Variants in R3HCC1 observed in about 807,000 individuals in gnomAD.
R3HCC1 encodes R3H domain and coiled-coil containing 1.
In R3HCC1, 32 loss-of-function variants were observed where a neutral mutation model predicts 40.0. That is an observed-to-expected ratio of 0.80 (90% confidence interval 0.60 to 1.07). The LOEUF (loss-of-function observed/expected upper bound fraction) is 1.07, where lower values mean the gene tolerates loss of function less well. R3HCC1 is among the 50% of genes least tolerant of loss of function. The probability of loss-of-function intolerance (pLI) is 0.00; values close to 1 mark genes in which losing one functional copy is unlikely to be tolerated. For synonymous variants in R3HCC1, 237 were observed against 232.8 expected (o/e 1.02, Z -0.17); for missense variants, 586 against 563.3 (o/e 1.04, Z -0.41).
intron 1 of R3HCC1, 114 bp from the exon 2 acceptor site, chr8:23,288,392 C>T: frequency 7.1e-7 from 1 of 1,408,728 alleles, no homozygotes; most frequent in Non-Finnish European, 9.5e-7. Flanking sequence ...ACTTCCCCGC[C>T]ACCGAGCCTT....
intron 4 of R3HCC1, chr8:23,291,010 C>A: frequency 4.6e-6 from 1 of 217,536 alleles, no homozygotes. Context: ...CTTGGACTTG[C>A]CCAGCTCTGC....
intron 1 of R3HCC1, 77 bp from the exon 2 acceptor site, chr8:23,288,429 C>T (rs1371581142): frequency 5.3e-6 from 8 of 1,513,140 alleles, no homozygotes; most frequent in East Asian, 2.5e-5. Context: ...AAGGCCCTTT[C>T]GGTGCCGGCG....
chr8:23,294,794 C>T lies in R3HCC1; in HGVS notation c.1122C>T (p.Phe374=). 6.4e-7 allele frequency: 1 copy of T among 1,551,400 alleles called. No individual in the cohort carries two copies. Among genetic ancestry groups the T allele is most frequent in the Non-Finnish European group, 8.7e-7 (1 of 1,146,934 alleles). ...CTGCGGAAGCCCTGACCCGGGAGTT[C>T]TCGGTGCTCAAGATCCGGCCCCTCA... The change falls in exon 7 of 8, where the codon TTC becomes TTT. Residue 374 remains phenylalanine, a synonymous_variant. Coordinates refer to ENST00000265806, the MANE Select transcript of R3HCC1 (RefSeq NM_001136108.3).
At chr8:23,291,294 C>T (rs944007910) in intron 4 of R3HCC1, 67 bp from the exon 5 acceptor site, 41 of 1,507,650 alleles carry the variant, frequency 2.7e-5, no homozygotes, top group Admixed American at 4.1e-5. Flanking sequence ...GCTCTCAGCG[C>T]GTGGGCTAGT....
In R3HCC1 at chr8:23,290,315, G is replaced by A. The variant is rs1369311998; in HGVS notation, c.698G>A (p.Arg233Gln). 5.2e-6 allele frequency: 8 copies of A among 1,551,806 alleles called. No individual in the cohort carries two copies. In the East Asian group the frequency reaches 7.3e-5, roughly 14 times the overall value. Residue 233 changes from arginine (R) to glutamine (Q), a missense_variant, in exon 4 of 8, where the codon CGG (arginine) becomes CAG (glutamine). Transcript: ENST00000265806. ...GGAGACATGGTGGAGATGGCCACAC[G>A]GTTTGGGTCCACCCTGCAGCTAGAC...
rs1320320429 is a variant in R3HCC1, at chr8:23,288,246, C to T, written c.-19+89C>T. 9 of 1,174,416 alleles carry T rather than the reference C, an allele frequency of 7.7e-6. No individual in the cohort carries two copies. The Admixed American group carries it at 1.7e-4, about 22-fold the overall frequency. 72.7% of individuals were successfully genotyped at this position (1,174,416 alleles called of 1,614,324 possible). A position where few individuals can be genotyped will look rare whatever the true frequency, so the allele number is the denominator to read the frequency against. On this transcript the variant is annotated intron_variant, in intron 1 of 7. Coordinates refer to ENST00000265806, the MANE Select transcript of R3HCC1 (RefSeq NM_001136108.3). ...AGCTGGGCTGCGCGGAGCAGGCCCCCGTGAGCCCCGGGAAGGAGCGCAGCG... is the reference window on the plus strand; with the variant it reads ...AGCTGGGCTGCGCGGAGCAGGCCCCTGTGAGCCCCGGGAAGGAGCGCAGCG...
chr8:23,289,874 G>T lies in R3HCC1; in HGVS notation c.257G>T (p.Ser86Ile). The T allele has an allele frequency of 6.6e-7, 1 of 1,515,852 alleles. No individual in the cohort carries two copies. Among genetic ancestry groups the T allele is most frequent in the Non-Finnish European group, 8.8e-7 (1 of 1,135,340 alleles). 93.9% of individuals were successfully genotyped at this position (1,515,852 alleles called of 1,614,324 possible). A position where few individuals can be genotyped will look rare whatever the true frequency, so the allele number is the denominator to read the frequency against. The change falls in exon 4 of 8, where the codon AGT (serine) becomes ATT (isoleucine). Residue 86 changes from serine to isoleucine, a missense_variant. Ser to Ile is a moderately radical substitution (Grantham distance 142). Coordinates refer to ENST00000265806, the MANE Select transcript of R3HCC1 (RefSeq NM_001136108.3). ...TCCCATTCCTGCTCCAGGGTACCCAGTTCGGATGGCCTCTCTGGCCCCTGC... is the reference window on the plus strand; with the variant it reads ...TCCCATTCCTGCTCCAGGGTACCCATTTCGGATGGCCTCTCTGGCCCCTGC...
rs772200165 is a variant in R3HCC1 at position 23,288,607 on chromosome 8, C to A, written c.84C>A (p.Arg28=). The A allele has an allele frequency of 6.2e-5, 95 of 1,535,968 alleles. No individual in the cohort carries two copies. Among genetic ancestry groups the A allele is most frequent in the Admixed American group, 1.4e-4 (7 of 50,982 alleles). ...ACCGGATCCAGGAGGAACTGGACCG[C>A]TTTCTGCTGCAGAAGCAGCTGTCAA... The change falls in exon 2 of 8, where the codon CGC becomes CGA. Residue 28 remains arginine, a synonymous_variant. Transcript: ENST00000265806.
Position 23,290,165 on chromosome 8 carries a change from G to C in R3HCC1, c.548G>C (p.Gly183Ala). 6.4e-7 allele frequency: 1 copy of C among 1,551,654 alleles called. No individual in the cohort carries two copies. Among genetic ancestry groups the C allele is most frequent in the Middle Eastern group, 1.7e-4 (1 of 5,992 alleles). ...GCTGGAGACCCCAACTCTGATCAGG[G>C]ACTCCCTGTGCTGATGACTCAGGGA... The change falls in exon 4 of 8, where the codon GGA becomes GCA. Residue 183 changes from glycine to alanine, a missense_variant. By Grantham distance (60) the Gly-to-Ala change is moderately conservative. Transcript: ENST00000265806.
At position 23,290,063 on chromosome 8, in the gene R3HCC1, G is replaced by T; in HGVS notation, c.446G>T (p.Trp149Leu). ...CGGGTGCTGCGCAGGCAGGAAGAAT[G>T]GGGGCTGACCTCTACCTCGGTGCTC... is the stretch of plus-strand genomic sequence containing the variant. The change falls in exon 4 of 8, where the codon TGG (tryptophan) becomes TTG (leucine). Residue 149 changes from tryptophan (W) to leucine (L), a missense_variant. Transcript: ENST00000265806. The T allele has an allele frequency of 6.5e-7, 1 of 1,548,098 alleles. No homozygotes were observed.
At chr8:23,293,235 T>A in intron 5 of R3HCC1, 68 bp from the exon 6 acceptor site, 1 of 1,331,950 alleles carries the variant, frequency 7.5e-7, no homozygotes, top group Non-Finnish European at 1.1e-6. Flanking sequence ...GGGGTGTGGC[T>A]GCGGGATTCG....
At chr8:23,292,434 C>T (rs781236433) in intron 5 of R3HCC1, among the ~76,000 whole-genome samples, 46 of 152,168 alleles carry the variant, frequency 3.0e-4, no homozygotes, top group Admixed American at 7.2e-4. Context: ...GAAACCCTGC[C>T]TGTCTCTACT....
chr8:23,293,300 CAG>C lies in R3HCC1; in HGVS notation c.1029_1030del. ...ATGTGCTGTCTCCTCTCTCGCCGCA[CAG>C]AGAGAAGGGGTTCAGGATTCAGTGG... On this transcript the variant is annotated splice_acceptor_variant, in intron 5 of 7. Transcript: ENST00000265806. LOFTEE classifies it high-confidence loss of function. 1 of 1,550,654 alleles carries C rather than the reference CAG, an allele frequency of 6.4e-7. No homozygotes were observed. The highest frequency in any genetic ancestry group is 8.7e-7 in the Non-Finnish European group (1 of 1,146,244).
intron 7 of R3HCC1, 39 bp downstream of exon 7, chr8:23,294,903 G>A (rs1471976126): frequency 5.7e-6 from 8 of 1,401,532 alleles, no homozygotes; most frequent in South Asian, 1.2e-5. Flanking sequence ...GAGGCTGTGT[G>A]TGTGTGTGTG....
chr8:23,295,774 C>G (rs545895606), intron 7 of R3HCC1, 193 bp from the exon 8 acceptor site: 360 of 767,600 alleles, frequency 4.7e-4, no homozygotes, highest in Non-Finnish European at 5.5e-4. Context: ...GGTCAGCATC[C>G]CCTGGGGGGC....
In R3HCC1 at chr8:23,294,827, A is replaced by C. The variant is rs569908591; in HGVS notation, c.1155A>C (p.Gly385=). 1.3e-6 allele frequency: 2 copies of C among 1,551,446 alleles called. No individual in the cohort carries two copies. The highest frequency in any genetic ancestry group is 3.9e-5 in the Admixed American group (2 of 51,004). Reference sequence around the variant, plus strand: ...TCAAGATCCGGCCCCTCACACAGGGAACCAAGCAGTCAAAGCTCAAAGCCT... The same window carrying C: ...TCAAGATCCGGCCCCTCACACAGGGCACCAAGCAGTCAAAGCTCAAAGCCT... Residue 385 remains glycine (G), a synonymous_variant, in exon 7 of 8, where the codon GGA becomes GGC. Transcript: ENST00000265806.
rs1167461069 is a variant in R3HCC1 at position 23,290,223 on chromosome 8, T to A, written c.606T>A (p.Cys202Ter). ...ACCTAAAGGGCCCAGGACAAAGGTG[T>A]GAGAATGAGCCACTGCTGGACCCTG... The change falls in exon 4 of 8, where the codon TGT becomes TGA. Residue 202 changes from cysteine (C) to a stop codon, truncating the protein, a stop_gained. Coordinates refer to ENST00000265806, the MANE Select transcript of R3HCC1 (RefSeq NM_001136108.3). LOFTEE classifies it high-confidence loss of function. 6.4e-7 allele frequency: 1 copy of A among 1,551,524 alleles called. No homozygotes were observed. Among genetic ancestry groups the A allele is most frequent in the East Asian group, 2.4e-5 (1 of 40,894 alleles).
rs548361346 is a variant in R3HCC1, at chr8:23,292,483, A to G, written c.1026-820A>G. 2.3e-3 allele frequency among the ~76,000 whole-genome samples: 343 copies of G among 152,228 alleles called. 1 individual carries two copies. Among genetic ancestry groups the G allele is most frequent in the Non-Finnish European group, 3.9e-3 (266 of 67,996 alleles). On this transcript the variant is annotated intron_variant, in intron 5 of 7. Coordinates refer to ENST00000265806, the MANE Select transcript of R3HCC1 (RefSeq NM_001136108.3). The stretch of plus-strand genomic sequence containing the variant: ...AATAAAATTAGCTGGGCGTGGTGGC[A>G]GGCGCCTGTAGTCCCAGCTACTCGG...
intron 6 of R3HCC1, 125 bp downstream of exon 6, chr8:23,293,498 G>T: frequency 1.4e-6 from 1 of 713,248 alleles, no homozygotes; most frequent in Non-Finnish European, 2.3e-6. Flanking sequence ...GGCTCTGGGG[G>T]TTTTGTTCCC....
Sources: gnomAD v4.1 joint callset for allele counts (sites outside exome capture counted in the v4.1 genomes callset) on GRCh38, gnomAD v4.1.1 for gene constraint, MANE v1.5 for transcripts, NCBI Gene and HGNC (gene_info 2026-07-23, HGNC 2026-07-21) for gene names.